N4BP2L2: variants seen among roughly 807,000 people sequenced by gnomAD.
N4BP2L2 encodes the protein NEDD4 binding protein 2 like 2, also known as NEDD4-binding protein 2-like 2.
A neutral mutation model predicts 56.2 loss-of-function variants in N4BP2L2; 50 were observed. The ratio of observed to expected loss-of-function variants is 0.89; its 90% CI spans 0.71 to 1.13. N4BP2L2 has a LOEUF of 1.13. N4BP2L2 is among the 50% of genes most tolerant of loss of function. The pLI, the probability that N4BP2L2 is intolerant of heterozygous loss-of-function variation, is 0.00. For missense variants in N4BP2L2, 689 were observed against 693.8 expected, an observed-to-expected ratio of 0.99 and a Z score of 0.08; for synonymous variants, 203 against 223.6, an observed-to-expected ratio of 0.91 and a Z score of 0.82.
rs541597560 is a variant in N4BP2L2, at chr13:32,460,623, T to C, written c.366-16497A>G. Among the ~76,000 whole-genome samples, 374 of 152,180 alleles carry C rather than the reference T, an allele frequency of 2.5e-3. 2 individuals are homozygous for C. Among genetic ancestry groups the C allele is most frequent in the African/African-American group, 8.1e-3 (338 of 41,536 alleles). ...GGAAAGGCATACCATGCTCATGGAT[T>C]ATAAAACTTAATACTATTAAAATGA... On this transcript the variant is annotated intron_variant, in intron 6 of 9. Coordinates refer to the N4BP2L2 transcript ENST00000357505.
intron 6 of N4BP2L2, among the ~76,000 whole-genome samples, chr13:32,499,040 A>G (rs1234770336): frequency 6.6e-6 from 1 of 151,792 alleles, no homozygotes; most frequent in Admixed American, 6.6e-5. Flanking sequence ...ATATTGTTGC[A>G]TGAATAAATA....
chr13:32,500,835 C>A (rs895931385), intron 6 of N4BP2L2, among the ~76,000 whole-genome samples: 1 of 149,670 alleles, frequency 6.7e-6, no homozygotes, highest in Non-Finnish European at 1.5e-5. Context: ...TCTACTGAGT[C>A]TTATGACAAC....
chr13:32,517,926 A>G (rs1487821100), exon 6 of N4BP2L2: 4 of 1,614,022 alleles, frequency 2.5e-6, no homozygotes, highest in African/African-American at 1.3e-5. Context: ...ATTCATTACA[A>G]TAGAAATGGA....
chr13:32,535,973 T>C (rs1440374275), exon 2 of N4BP2L2: 5 of 1,613,910 alleles, frequency 3.1e-6, no homozygotes, highest in Non-Finnish European at 4.2e-6. Flanking sequence ...ACTGCAGCCA[T>C]TTCCAGAGGG....
At chr13:32,450,870 TTC>T (rs534768522) in intron 6 of N4BP2L2, among the ~76,000 whole-genome samples, 6,309 of 59,654 alleles carry the variant, frequency 0.11, 658 homozygotes, top group African/African-American at 0.31. Context: ...CCCCATCCCC[TTC>T]TCTCTCTCTC....
intron 6 of N4BP2L2, among the ~76,000 whole-genome samples, chr13:32,466,499 G>A (rs2081260540): frequency 1.3e-5 from 2 of 151,898 alleles, no homozygotes; most frequent in South Asian, 4.2e-4. Context: ...CCCAGGAGGT[G>A]TAGGTTGCAG....
chr13:32,479,793 A>G (rs1169425453), intron 6 of N4BP2L2, among the ~76,000 whole-genome samples: 1 of 152,120 alleles, frequency 6.6e-6, no homozygotes, highest in Admixed American at 6.5e-5. Context: ...AAATAAAATG[A>G]TAAAAAAATG....
chr13:32,462,527 A>C (rs1303264791), intron 6 of N4BP2L2, among the ~76,000 whole-genome samples: 1 of 152,116 alleles, frequency 6.6e-6, no homozygotes, highest in Admixed American at 6.6e-5. Flanking sequence ...AGATAGGAGG[A>C]ATAAGTTTCA....
chr13:32,464,388 ATGTT>A (rs896887753), intron 6 of N4BP2L2, among the ~76,000 whole-genome samples: 1 of 152,136 alleles, frequency 6.6e-6, no homozygotes, highest in Admixed American at 6.5e-5. Flanking sequence ...GGGGGAAAAT[ATGTT>A]TGTGTTTTTT....
chr13:32,519,246 A>G (rs1164207402), intron 5 of N4BP2L2, among the ~76,000 whole-genome samples: 2 of 146,312 alleles, frequency 1.4e-5, no homozygotes, highest in Non-Finnish European at 3.0e-5. Flanking sequence ...GTCTCTACCA[A>G]AAAAAAAAAA....
intron 6 of N4BP2L2, among the ~76,000 whole-genome samples, chr13:32,460,617 A>G (rs116397915): frequency 3.9e-5 from 6 of 152,316 alleles, no homozygotes; most frequent in African/African-American, 1.2e-4. Context: ...TACCATGCTC[A>G]TGGATTATAA....
rs559377443 is a variant in N4BP2L2, at chr13:32,537,271, C to T, written c.1-244G>A. Among the ~76,000 whole-genome samples, 144 of 151,506 alleles carry T rather than the reference C, an allele frequency of 9.5e-4. 1 individual carries two copies. The highest frequency in any genetic ancestry group is 3.2e-3 in the African/African-American group (134 of 41,278). ...AAAAATATATATATATGTATATATA[C>T]ATATATATCTCTCTCAACTTTAAAC... On this transcript the variant is annotated intron_variant, in intron 1 of 5. Transcript: ENST00000267068.
intron 6 of N4BP2L2, among the ~76,000 whole-genome samples, chr13:32,449,470 G>A (rs772341157): frequency 5.3e-5 from 8 of 152,042 alleles, no homozygotes; most frequent in Non-Finnish European, 1.2e-4. Flanking sequence ...CATGAAAAAA[G>A]TTAAACTGCA....
At chr13:32,536,021 T>C (rs2056465149) in exon 2 of N4BP2L2, 1 of 1,613,986 alleles carries the variant, frequency 6.2e-7, no homozygotes, top group Admixed American at 1.7e-5. Context: ...GTCAGTATAT[T>C]CATTGTTCTG....
chr13:32,497,659 G>T (rs571614636), intron 6 of N4BP2L2, among the ~76,000 whole-genome samples: 1 of 152,338 alleles, frequency 6.6e-6, no homozygotes, highest in Admixed American at 6.5e-5. Context: ...GAAAAATGGA[G>T]GAGACTACAC....
At chr13:32,537,660 G>C (rs2056883187) in intron 1 of N4BP2L2, among the ~76,000 whole-genome samples, 1 of 152,108 alleles carries the variant, frequency 6.6e-6, no homozygotes, top group African/African-American at 2.4e-5. Context: ...TTAAAAGGGG[G>C]GAAGAGATAA....
intron 3 of N4BP2L2, chr13:32,525,619 T>A (rs2052503137): frequency 6.6e-6 from 1 of 152,208 alleles, no homozygotes; most frequent in Admixed American, 6.6e-5. Flanking sequence ...CACTGAGCTA[T>A]GATTGTGTCA....
chr13:32,474,687 T>A (rs376269201), intron 6 of N4BP2L2, among the ~76,000 whole-genome samples: 33 of 152,228 alleles, frequency 2.2e-4, no homozygotes, highest in African/African-American at 7.7e-4. Context: ...AGAGTGAGAC[T>A]CCACCCCAGC....
chr13:32,450,777 C>T (rs542402097), intron 6 of N4BP2L2, among the ~76,000 whole-genome samples: 9 of 152,070 alleles, frequency 5.9e-5, no homozygotes, highest in African/African-American at 1.4e-4. Flanking sequence ...ACTACAGCAG[C>T]GCCACCATGC....
Sources: gnomAD v4.1 joint callset for allele counts (sites outside exome capture counted in the v4.1 genomes callset) on GRCh38, gnomAD v4.1.1 for gene constraint, MANE v1.5 for transcripts, NCBI Gene and HGNC (gene_info 2026-07-23, HGNC 2026-07-21) for gene names.